DLGAP1: variants seen among roughly 807,000 people sequenced by gnomAD.
DLGAP1 encodes the protein DLG associated protein 1, also known as disks large-associated protein 1.
Under a neutral mutation model 90.8 loss-of-function variants are expected in DLGAP1, and 11 were observed. The ratio of observed to expected loss-of-function variants is 0.12; its 90% CI spans 0.08 to 0.20. The LOEUF is 0.20. DLGAP1 is among the 10% of genes least tolerant of loss of function. The pLI is 1.00. For missense variants in DLGAP1, 1,050 were observed against 1,333.8 expected (o/e 0.79, Z 3.31); for synonymous variants, 558 against 540.7 (o/e 1.03, Z -0.44).
At chr18:4,419,635 A>G (rs776932648) in intron 1 of DLGAP1, among the ~76,000 whole-genome samples, 25 of 139,198 alleles carry the variant, frequency 1.8e-4, no homozygotes, top group Non-Finnish European at 3.1e-4. Flanking sequence ...TATGAAAATA[A>G]TAAGATAAAG....
intron 2 of DLGAP1, among the ~76,000 whole-genome samples, chr18:4,025,247 C>T (rs1470459533): frequency 6.6e-6 from 1 of 152,046 alleles, no homozygotes; most frequent in African/African-American, 2.4e-5. Flanking sequence ...TACAAGAACT[C>T]AAAGAGGTGA....
intron 2 of DLGAP1, among the ~76,000 whole-genome samples, chr18:4,039,912 A>T (rs2074950301): frequency 6.6e-6 from 1 of 152,224 alleles, no homozygotes; most frequent in Non-Finnish European, 1.5e-5. Context: ...ACTTGAGATA[A>T]ATTACCTTTG....
At chr18:4,270,330 C>T (rs2079248426) in intron 1 of DLGAP1, among the ~76,000 whole-genome samples, 1 of 152,122 alleles carries the variant, frequency 6.6e-6, no homozygotes. Context: ...TGGGGACAAC[C>T]TACTCTTAGG....
chr18:3,817,101 A>C (rs1228621119), intron 4 of DLGAP1, among the ~76,000 whole-genome samples: 1 of 100,590 alleles, frequency 9.9e-6, no homozygotes, highest in Admixed American at 9.9e-5. Context: ...ACATTTTAAA[A>C]ATTAACTTGG....
chr18:3,895,138 G>A (rs1264756878), intron 3 of DLGAP1, among the ~76,000 whole-genome samples: 1 of 152,138 alleles, frequency 6.6e-6, no homozygotes, highest in African/African-American at 2.4e-5. Flanking sequence ...TGTAAGATGA[G>A]TATGTTTCCA....
rs140398813 is a variant in DLGAP1 at position 4,000,524 on chromosome 18, G to A, written c.-73+4592C>T. On this transcript the variant is annotated intron_variant, in intron 3 of 12. Coordinates refer to ENST00000315677, the MANE Select transcript of DLGAP1 (RefSeq NM_004746.4). ...AAAAAATGTCTACTTAATGCTCACC[G>A]CCAGTTCTATTGTCGATGATTCTCT... 1.4e-4 allele frequency among the ~76,000 whole-genome samples: 22 copies of A among 152,224 alleles called. 1 individual carries two copies. Among genetic ancestry groups the A allele is most frequent in the African/African-American group, 4.8e-4 (20 of 41,520 alleles).
intron 6 of DLGAP1, among the ~76,000 whole-genome samples, chr18:3,741,907 A>G (rs1329351842): frequency 6.7e-6 from 1 of 150,370 alleles, no homozygotes; most frequent in Non-Finnish European, 1.5e-5. Context: ...CAGTGACGTG[A>G]TCTCGGTTCA....
At chr18:3,562,711 A>ATT (rs112224743) in intron 9 of DLGAP1, among the ~76,000 whole-genome samples, 43 of 143,678 alleles carry the variant, frequency 3.0e-4, no homozygotes, top group Non-Finnish European at 4.7e-4. Context: ...CGCCTGGTTA[A>ATT]TTTTTTTTTT....
intron 2 of DLGAP1, among the ~76,000 whole-genome samples, chr18:4,033,780 C>T (rs2074839020): frequency 6.7e-6 from 1 of 150,192 alleles, no homozygotes; most frequent in Non-Finnish European, 1.5e-5. Flanking sequence ...CGCTCTGTCA[C>T]CCAGGCTGGA....
At chr18:3,886,137 C>T (rs1397975884) in intron 3 of DLGAP1, among the ~76,000 whole-genome samples, 1 of 152,146 alleles carries the variant, frequency 6.6e-6, no homozygotes, top group East Asian at 1.9e-4. Context: ...GATGGACAGG[C>T]AGGCAATTGC....
In DLGAP1 at chr18:3,936,420, C is replaced by T. The variant is rs553063897; in HGVS notation, c.-72-56280G>A. On this transcript the variant is annotated intron_variant, in intron 3 of 12. Transcript: ENST00000315677. ...GTGCTGAGCCTCTTCCTTTCCTGTA[C>T]CTTTACATTTTCATTTCCCCAATTC... Among the ~76,000 whole-genome samples, 76 of 152,288 alleles carry T rather than the reference C, an allele frequency of 5.0e-4. No individual in the cohort carries two copies. The South Asian group carries it at 8.9e-3, about 18-fold the overall frequency.
chr18:3,675,228 G>A lies in DLGAP1; in HGVS notation c.1591+53907C>T, dbSNP rs149509544. Among the ~76,000 whole-genome samples the A allele has an allele frequency of 3.2e-3, 491 of 152,112 alleles. 3 individuals carry two copies. Among genetic ancestry groups the A allele is most frequent in the African/African-American group, 0.011 (468 of 41,508 alleles). On this transcript the variant is annotated intron_variant, in intron 7 of 12. Coordinates refer to ENST00000315677, the MANE Select transcript of DLGAP1 (RefSeq NM_004746.4). Reference sequence around the variant, plus strand: ...TGGGATTACAGACATGCTCCACCACGCCTGGCTAAGTTTTGTGTTTTTAGT... The same window carrying A: ...TGGGATTACAGACATGCTCCACCACACCTGGCTAAGTTTTGTGTTTTTAGT...
intron 3 of DLGAP1, among the ~76,000 whole-genome samples, chr18:4,000,349 T>G (rs1254883966): frequency 6.6e-6 from 1 of 152,172 alleles, no homozygotes; most frequent in African/African-American, 2.4e-5. Context: ...TTGATATCCT[T>G]GAGGCAATCA....
At chr18:3,896,236 C>A (rs1287933606) in intron 3 of DLGAP1, 2 of 152,206 alleles carry the variant, frequency 1.3e-5, no homozygotes, top group Non-Finnish European at 2.9e-5. Context: ...AGGACTTCAA[C>A]TGAGGTCTGT....
chr18:3,641,528 ACTCCGTCT>A (rs2146318187), intron 7 of DLGAP1, among the ~76,000 whole-genome samples: 2 of 134,826 alleles, frequency 1.5e-5, no homozygotes, highest in East Asian at 4.1e-4. Flanking sequence ...CAGGAGCAAA[ACTCCGTCT>A]CAAAAAAAAA....
intron 1 of DLGAP1, among the ~76,000 whole-genome samples, chr18:4,283,041 T>A (rs1157043962): frequency 6.6e-6 from 1 of 152,182 alleles, no homozygotes; most frequent in Non-Finnish European, 1.5e-5. Context: ...ACAAAATGAA[T>A]GGGACAGGCT....
intron 7 of DLGAP1, among the ~76,000 whole-genome samples, chr18:3,623,776 C>CAAAA (rs56352605): frequency 1.1e-5 from 1 of 92,334 alleles, no homozygotes; most frequent in Non-Finnish European, 2.3e-5. Context: ...GACTCCGTCT[C>CAAAA]AAAAAAAAAA....
intron 5 of DLGAP1, among the ~76,000 whole-genome samples, chr18:3,799,499 C>T (rs1485951387): frequency 2.8e-5 from 4 of 144,162 alleles, no homozygotes; most frequent in South Asian, 2.2e-4. Context: ...AACGTAGTGC[C>T]TTTTTTTTTT....
intron 1 of DLGAP1, among the ~76,000 whole-genome samples, chr18:4,254,038 T>G (rs2078836291): frequency 6.6e-6 from 1 of 152,128 alleles, no homozygotes. Context: ...ACATAACCCA[T>G]GATGCACAAT....
Sources: allele counts gnomAD v4.1 joint callset (sites outside exome capture counted in the v4.1 genomes callset), GRCh38; gene constraint gnomAD v4.1.1; transcripts MANE v1.5; gene names NCBI Gene and HGNC (gene_info 2026-07-23, HGNC 2026-07-21).